TP53BP1: variants seen among roughly 807,000 people sequenced by gnomAD.
TP53BP1 encodes the protein tumor protein p53 binding protein 1.
A neutral mutation model predicts 200.8 loss-of-function variants in TP53BP1; 61 were observed. That is an observed-to-expected ratio of 0.30 (90% CI 0.25 to 0.38). The LOEUF is 0.38. TP53BP1 is among the 10% of genes least tolerant of loss of function. TP53BP1 has a pLI of 1.00. For missense variants in TP53BP1, 2,144 were observed against 2,371.9 expected (o/e 0.90, Z 2.00); for synonymous variants, 822 against 844.3 (o/e 0.97, Z 0.46).
At chr15:43,509,332 T>C (rs577523687) in intron 1 of TP53BP1, among the ~76,000 whole-genome samples, 26 of 152,210 alleles carry the variant, frequency 1.7e-4, no homozygotes, top group African/African-American at 5.8e-4. Context: ...TTCAGGGCCA[T>C]GTCCAAATTG....
intron 12 of TP53BP1, among the ~76,000 whole-genome samples, chr15:43,450,675 T>C (rs956725271): frequency 2.0e-5 from 3 of 152,200 alleles, no homozygotes; most frequent in Non-Finnish European, 4.4e-5. Flanking sequence ...GAGCTCTCCA[T>C]AGACAGATAC....
chr15:43,475,709 T>C lies in TP53BP1; in HGVS notation c.956-15A>G, dbSNP rs750849158. The stretch of plus-strand genomic sequence containing the variant: ...ATCAGAAGATACTGAAAAAAAGAAA[T>C]TCCAGTTGCACTTCTCAGATTGACA... On this transcript the variant is annotated splice_polypyrimidine_tract_variant and intron_variant, in intron 8 of 27. Transcript: ENST00000382044. 2.5e-6 allele frequency: 4 copies of C among 1,613,076 alleles called. No individual in the cohort carries two copies. The highest frequency in any genetic ancestry group is 2.2e-5 in the East Asian group (1 of 44,876).
At chr15:43,434,590 T>C (rs887879361) in intron 16 of TP53BP1, among the ~76,000 whole-genome samples, 6 of 152,108 alleles carry the variant, frequency 3.9e-5, no homozygotes, top group Admixed American at 1.3e-4. Flanking sequence ...TTAGTGCCCT[T>C]ATAAAAGAGA....
rs2046042198 is a variant in TP53BP1, at chr15:43,446,419, G to A, written c.3008C>T (p.Ala1003Val). The A allele has an allele frequency of 6.2e-7, 1 of 1,614,022 alleles. No individual in the cohort carries two copies. The highest frequency in any genetic ancestry group is 8.5e-7 in the Non-Finnish European group (1 of 1,179,982). ...RMKLVSPETE[A>V]SEESLQFNLE... ...GTTGAACTGCAAAGACTCTTCACTCGCCTCAGTCTCAGGACTAACCAGTTT... is the reference window on the plus strand; with the variant it reads ...GTTGAACTGCAAAGACTCTTCACTCACCTCAGTCTCAGGACTAACCAGTTT... Residue 1003 changes from alanine to valine, a missense_variant, in exon 14 of 28, where the codon GCG becomes GTG. Ala to Val is a moderately conservative substitution (Grantham distance 64, BLOSUM62 0). Transcript: ENST00000382044.
chr15:43,438,700 C>T (rs1362932617), intron 15 of TP53BP1, among the ~76,000 whole-genome samples: 2 of 98,096 alleles, frequency 2.0e-5, no homozygotes, highest in South Asian at 3.4e-4. Context: ...CAATCTGTAC[C>T]TTCAACAAAT....
intron 21 of TP53BP1, chr15:43,417,188 A>ACC (rs528520793): frequency 6.6e-6 from 1 of 150,614 alleles, no homozygotes; most frequent in East Asian, 1.9e-4. Flanking sequence ...ATAGATACAC[A>ACC]CCCCCCCACC....
At position 43,456,663 on chromosome 15, in the gene TP53BP1, G is replaced by C. The variant is rs1290257059; in HGVS notation, c.1945C>G (p.Gln649Glu). ...RSEALSSVLD[Q>E]EEAMEIKEHH... ...TCTTTAATTTCCATAGCTTCCTCCTGATCTAACACACTAGAAAGTGCCTCA... is the reference window on the plus strand; with the variant it reads ...TCTTTAATTTCCATAGCTTCCTCCTCATCTAACACACTAGAAAGTGCCTCA... Residue 649 changes from glutamine (Q) to glutamate (E), a missense_variant, in exon 12 of 28, where the codon CAG becomes GAG. Around this residue, in one of 4 missense-constraint regions of TP53BP1, gnomAD observed 1,700 missense variants for 1,710.3 expected, o/e 0.99. Coordinates refer to ENST00000382044, the MANE Select transcript of TP53BP1 (RefSeq NM_001141980.3). 8.1e-6 allele frequency: 13 copies of C among 1,614,082 alleles called. No individual in the cohort carries two copies. The highest frequency in any genetic ancestry group is 1.1e-5 in the Non-Finnish European group (13 of 1,180,028).
chr15:43,495,330 T>C (rs971340776), upstream of TP53BP1, among the ~76,000 whole-genome samples: 1 of 149,540 alleles, frequency 6.7e-6, no homozygotes, highest in African/African-American at 2.5e-5. Flanking sequence ...AAACCCCGCC[T>C]CTACTAAAAA....
intron 12 of TP53BP1, among the ~76,000 whole-genome samples, chr15:43,453,634 G>A (rs1487025755): frequency 6.6e-6 from 1 of 151,108 alleles, no homozygotes. Context: ...CTGGAGTGCA[G>A]TGATACAATC....
intron 17 of TP53BP1, among the ~76,000 whole-genome samples, chr15:43,431,127 A>C (rs978054648): frequency 6.6e-6 from 1 of 152,186 alleles, no homozygotes; most frequent in South Asian, 2.1e-4. Flanking sequence ...GAGGATTCAT[A>C]TCCTAGCCAG....
chr15:43,420,521 T>G lies in TP53BP1; in HGVS notation c.4465A>C (p.Asn1489His), dbSNP rs2045369809. The G allele has an allele frequency of 6.2e-7, 1 of 1,614,212 alleles. No homozygotes were observed. The highest frequency in any genetic ancestry group is 1.3e-5 in the African/African-American group (1 of 75,052). ...ACAACACGGAGCCCTACAAAGCTAT[T>G]TCCTGGAGAGGAGGCATCTAAGCCA... The part of the protein sequence containing the change: ...SDGLDASSPG[N>H]SFVGLRVVAK... Residue 1489 changes from asparagine (N) to histidine (H), a missense_variant, in exon 21 of 28, where the codon AAT becomes CAT. By Grantham distance (68) the Asn-to-His change is moderately conservative. Transcript: ENST00000382044.
rs1413522492 is a variant in TP53BP1 at position 43,403,940 on chromosome 15, T to C, written c.*3443A>G. 6 of 649,286 alleles carry C rather than the reference T, an allele frequency of 9.2e-6. No homozygotes were observed. Among genetic ancestry groups the C allele is most frequent in the African/African-American group, 7.6e-5 (4 of 52,820 alleles). The allele number at this position is 649,286 out of a possible 1,614,324, so 40.2% of individuals were successfully genotyped here. Reference sequence around the variant, plus strand: ...CAGAGATAAGATACAAAGATAAAAATGTTGGTATCAGTTGATTTTGAAGCA... The same window carrying C: ...CAGAGATAAGATACAAAGATAAAAACGTTGGTATCAGTTGATTTTGAAGCA... On this transcript the variant is annotated 3_prime_UTR_variant, in exon 28 of 28. Coordinates refer to ENST00000382044, the MANE Select transcript of TP53BP1 (RefSeq NM_001141980.3).
In TP53BP1 at chr15:43,405,075, G is replaced by A. The variant is rs950569433; in HGVS notation, c.*2308C>T. On this transcript the variant is annotated 3_prime_UTR_variant, in exon 28 of 28. Coordinates refer to ENST00000382044, the MANE Select transcript of TP53BP1 (RefSeq NM_001141980.3). ...TTTTTTCTAAGCTATTGTAGCAGAAGAGTCAAAAGAAACTCTTCAGTTTTA... is the reference window on the plus strand; with the variant it reads ...TTTTTTCTAAGCTATTGTAGCAGAAAAGTCAAAAGAAACTCTTCAGTTTTA... 30 of 1,044,006 alleles carry A rather than the reference G, an allele frequency of 2.9e-5. No individual in the cohort carries two copies. The African/African-American group carries it at 3.7e-4, about 13-fold the overall frequency. 64.7% of individuals were successfully genotyped at this position (1,044,006 alleles called of 1,614,324 possible).
At position 43,403,918 on chromosome 15, in the gene TP53BP1, A is replaced by G; in HGVS notation, c.*3465T>C. 1 of 704,116 alleles carries G rather than the reference A, an allele frequency of 1.4e-6. No homozygotes were observed. The highest frequency in any genetic ancestry group is 2.5e-6 in the Non-Finnish European group (1 of 402,660). 43.6% of individuals were successfully genotyped at this position (704,116 alleles called of 1,614,324 possible). A position where few individuals can be genotyped will look rare whatever the true frequency, so the allele number is the denominator to read the frequency against. On this transcript the variant is annotated 3_prime_UTR_variant, in exon 28 of 28. Transcript: ENST00000382044. ...ATTTCCTCAATACACACACGTACAG[A>G]GATAAGATACAAAGATAAAAATGTT...
chr15:43,490,388 C>CT (rs957984982), intron 4 of TP53BP1, among the ~76,000 whole-genome samples: 30 of 145,784 alleles, frequency 2.1e-4, no homozygotes, highest in South Asian at 6.6e-4. Context: ...ACACCCAGTC[C>CT]TTTTTTTTTT....
chr15:43,454,894 C>G (rs1185227370), intron 12 of TP53BP1, among the ~76,000 whole-genome samples: 1 of 152,042 alleles, frequency 6.6e-6, no homozygotes, highest in Non-Finnish European at 1.5e-5. Flanking sequence ...ACACACCTGG[C>G]TAATTTTTTG....
At chr15:43,483,271 C>CACACACACACAG (rs60263686) in intron 4 of TP53BP1, among the ~76,000 whole-genome samples, 1 of 150,460 alleles carries the variant, frequency 6.6e-6, no homozygotes, top group African/African-American at 2.5e-5. Flanking sequence ...CACACACACA[C>CACACACACACAG]AGAACAAATG....
At chr15:43,441,432 T>A (rs532238261) in intron 15 of TP53BP1, 94 bp downstream of exon 15, 1 of 840,954 alleles carries the variant, frequency 1.2e-6, no homozygotes, top group South Asian at 1.4e-5. Flanking sequence ...ATTTTAACTT[T>A]CTCATTTTAA....
intron 18 of TP53BP1, among the ~76,000 whole-genome samples, chr15:43,424,874 T>A (rs2045489813): frequency 6.6e-6 from 1 of 152,328 alleles, no homozygotes; most frequent in African/African-American, 2.4e-5. Context: ...GTAAGACCTT[T>A]AAGAGGTGAT....
Sources: allele counts gnomAD v4.1 joint callset (sites outside exome capture counted in the v4.1 genomes callset), GRCh38; gene constraint gnomAD v4.1.1; regional missense constraint gnomAD v4.1.1; transcripts MANE v1.5; gene names NCBI Gene and HGNC (gene_info 2026-07-23, HGNC 2026-07-21).